EDIL3: variants seen among roughly 807,000 people sequenced by gnomAD.
EDIL3 encodes the protein EGF like and discoidin domains 3.
EDIL3 carries 37 observed loss-of-function variants against 67.4 expected under a neutral mutation model. The ratio of observed to expected loss-of-function variants is 0.55; its 90% CI spans 0.42 to 0.72. The LOEUF (loss-of-function observed/expected upper bound fraction) is 0.72, where lower values mean the gene tolerates loss of function less well. Among genes scored for constraint, EDIL3 ranks in the 30% least tolerant of loss-of-function variants. EDIL3 has a pLI of 0.00. For synonymous variants in EDIL3, 195 were observed against 196.3 expected, an observed-to-expected ratio of 0.99 and a Z score of 0.05; for missense variants, 527 against 586.3, an observed-to-expected ratio of 0.90 and a Z score of 1.04.
intron 1 of EDIL3, among the ~76,000 whole-genome samples, chr5:84,346,934 A>G (rs1747251354): frequency 6.6e-6 from 1 of 152,218 alleles, no homozygotes; most frequent in Non-Finnish European, 1.5e-5. Flanking sequence ...GTTTGAAGTC[A>G]GAATCATTTC....
intron 9 of EDIL3, among the ~76,000 whole-genome samples, chr5:84,052,334 A>G (rs1181728898): frequency 6.6e-5 from 10 of 152,316 alleles, no homozygotes; most frequent in Middle Eastern, 3.4e-3. Flanking sequence ...AGGAACAACC[A>G]GTACCAGCCA....
intron 1 of EDIL3, among the ~76,000 whole-genome samples, chr5:84,291,662 A>ATATATATATCTATCTATATAGATATATC (rs1276453345): frequency 7.0e-6 from 1 of 141,986 alleles, no homozygotes; most frequent in East Asian, 2.0e-4. Context: ...CTATATATCT[A>ATATATATATCTATCTATATAGATATATC]TATATATATC....
chr5:84,375,137 A>AT (rs1280193615), intron 1 of EDIL3, among the ~76,000 whole-genome samples: 18 of 151,824 alleles, frequency 1.2e-4, no homozygotes, highest in Non-Finnish European at 2.1e-4. Context: ...ACGCCCAGCT[A>AT]TTTTTTGTAT....
At chr5:83,989,249 G>A (rs890182565) in intron 9 of EDIL3, among the ~76,000 whole-genome samples, 7 of 152,106 alleles carry the variant, frequency 4.6e-5, no homozygotes, top group Admixed American at 4.6e-4. Flanking sequence ...GCTCTTCCAT[G>A]TAAAAGAAAA....
rs1190956800 is a variant in EDIL3 at position 84,305,914 on chromosome 5, AATAAATAG to A, written c.68-51710_68-51703del. On this transcript the variant is annotated intron_variant, in intron 1 of 10. Transcript: ENST00000296591. ...AAATAAATAAATAAATAAATAAATAAATAAATAGATAGATAAATAAATAAAATACACTG... is the reference window on the plus strand; with the variant it reads ...AAATAAATAAATAAATAAATAAATAAATAGATAAATAAATAAAATACACTG... Among the ~76,000 whole-genome samples the A allele has an allele frequency of 4.4e-3, 655 of 147,388 alleles. 3 individuals are homozygous for A. Among genetic ancestry groups the A allele is most frequent in the African/African-American group, 0.016 (619 of 37,792 alleles).
intron 1 of EDIL3, among the ~76,000 whole-genome samples, chr5:84,344,146 A>G (rs1747187256): frequency 2.0e-5 from 3 of 152,136 alleles, no homozygotes; most frequent in Non-Finnish European, 4.4e-5. Context: ...CCCAGTATAG[A>G]CACAAAGTTT....
intron 1 of EDIL3, among the ~76,000 whole-genome samples, chr5:84,372,812 T>C (rs75444888): frequency 0.015 from 2,257 of 152,290 alleles, 62 homozygotes; most frequent in African/African-American, 0.051. Context: ...ACACATATTA[T>C]ATGTACTTAA....
At chr5:84,142,353 C>A (rs751933356) in intron 4 of EDIL3, among the ~76,000 whole-genome samples, 1 of 152,054 alleles carries the variant, frequency 6.6e-6, no homozygotes, top group Non-Finnish European at 1.5e-5. Context: ...ACAGAGAATT[C>A]TTGAGTCTAA....
chr5:83,996,924 A>G (rs1377266958), intron 9 of EDIL3, among the ~76,000 whole-genome samples: 1 of 152,222 alleles, frequency 6.6e-6, no homozygotes, highest in East Asian at 1.9e-4. Context: ...TAATTCATAC[A>G]TACATTTAAG....
intron 1 of EDIL3, among the ~76,000 whole-genome samples, chr5:84,277,792 T>C (rs957133994): frequency 1.3e-5 from 2 of 152,172 alleles, no homozygotes; most frequent in Non-Finnish European, 2.9e-5. Context: ...CAAATCAAAA[T>C]TGATTTTTTT....
At chr5:84,135,647 A>AT (rs1561441795) in intron 5 of EDIL3, among the ~76,000 whole-genome samples, 2 of 152,142 alleles carry the variant, frequency 1.3e-5, no homozygotes, top group Admixed American at 6.6e-5. Flanking sequence ...TTAGTGGGTG[A>AT]TTAGTTAAAT....
At chr5:84,265,373 T>C (rs1745325809) in intron 1 of EDIL3, among the ~76,000 whole-genome samples, 2 of 152,232 alleles carry the variant, frequency 1.3e-5, no homozygotes, top group Non-Finnish European at 2.9e-5. Flanking sequence ...TGACTGTATA[T>C]GCTTATCTAT....
intron 9 of EDIL3, among the ~76,000 whole-genome samples, chr5:84,006,103 T>TAAC (rs1554063236): frequency 1.4e-4 from 21 of 149,140 alleles, no homozygotes; most frequent in African/African-American, 5.1e-4. Context: ...ATAATAATAA[T>TAAC]AATAATAGTA....
chr5:84,381,169 T>C (rs571242728), intron 1 of EDIL3, among the ~76,000 whole-genome samples: 74 of 152,198 alleles, frequency 4.9e-4, no homozygotes, highest in African/African-American at 1.8e-3. Flanking sequence ...ACCATATACA[T>C]TTAAAACAAA....
intron 3 of EDIL3, among the ~76,000 whole-genome samples, chr5:84,191,205 T>C (rs190114632): frequency 2.6e-5 from 4 of 152,178 alleles, no homozygotes; most frequent in African/African-American, 9.6e-5. Flanking sequence ...AAAATAAGTA[T>C]ACTATTTCCA....
At chr5:84,158,346 G>C (rs1456113513) in intron 4 of EDIL3, among the ~76,000 whole-genome samples, 1 of 151,912 alleles carries the variant, frequency 6.6e-6, no homozygotes, top group Non-Finnish European at 1.5e-5. Flanking sequence ...GGAAATTAAA[G>C]TAAATACTGA....
At chr5:83,979,576 G>GA (rs1427596303) in intron 9 of EDIL3, among the ~76,000 whole-genome samples, 42 of 152,082 alleles carry the variant, frequency 2.8e-4, no homozygotes, top group Non-Finnish European at 1.2e-4. Context: ...TATCAACTTG[G>GA]AAAAATCTCA....
rs1366616 is a variant in EDIL3, at chr5:84,091,523, A to G, written c.651+15126T>C. 1.0e-2 allele frequency among the ~76,000 whole-genome samples: 1,520 copies of G among 152,316 alleles called. 62 individuals carry two copies. The East Asian group carries it at 0.1, about 10-fold the overall frequency. ...ATTAATAGCCTCTTCAAAAAAGTAAACCTTTCAGAATCAGACCACGTGGCT... is the reference window on the plus strand; with the variant it reads ...ATTAATAGCCTCTTCAAAAAAGTAAGCCTTTCAGAATCAGACCACGTGGCT... On this transcript the variant is annotated intron_variant, in intron 6 of 10. Coordinates refer to ENST00000296591, the MANE Select transcript of EDIL3 (RefSeq NM_005711.5).
At chr5:84,382,824 G>A (rs1748113003) in intron 1 of EDIL3, among the ~76,000 whole-genome samples, 2 of 152,096 alleles carry the variant, frequency 1.3e-5, no homozygotes, top group African/African-American at 2.4e-5. Flanking sequence ...AAACGCAGGC[G>A]AGGCACACAC....
Sources: allele counts gnomAD v4.1 joint callset (sites outside exome capture counted in the v4.1 genomes callset), GRCh38; gene constraint gnomAD v4.1.1; transcripts MANE v1.5; gene names NCBI Gene and HGNC (gene_info 2026-07-23, HGNC 2026-07-21).